The following RBPJ variants were observed in gnomAD, a reference collection of about 807,000 sequenced individuals.
The protein encoded by RBPJ is recombining binding protein suppressor of hairless.
A neutral mutation model predicts 67.8 loss-of-function variants in RBPJ; 9 were observed. The observed-to-expected ratio is 0.13, with a 90% CI of 0.08 to 0.23. RBPJ has a LOEUF of 0.23. Ranked by LOEUF, RBPJ falls within the 10% of genes least tolerant of loss-of-function variation. RBPJ has a pLI of 1.00. For synonymous variants in RBPJ, 198 were observed against 203.3 expected (o/e 0.97, Z 0.22); for missense variants, 305 against 595.6 (o/e 0.51, Z 5.08).
the RBPJ span, among the ~76,000 whole-genome samples, chr4:26,155,450 T>C: frequency 6.6e-6 from 1 of 151,062 alleles, no homozygotes; most frequent in Non-Finnish European, 1.5e-5. Context: ...TTTTTTTTTT[T>C]TTCAGACAGA....
chr4:26,108,218 A>G, the RBPJ span, among the ~76,000 whole-genome samples: 2 of 152,154 alleles, frequency 1.3e-5, no homozygotes, highest in African/African-American at 4.8e-5. Flanking sequence ...TAGAGGAAGA[A>G]TGGGGAATGG....
intron 1 of RBPJ, among the ~76,000 whole-genome samples, chr4:26,221,239 C>G (rs1415535414): frequency 6.6e-6 from 1 of 152,058 alleles, no homozygotes; most frequent in Admixed American, 6.6e-5. Flanking sequence ...TACAGGCGCC[C>G]GCCACCACGC....
At chr4:26,298,686 C>T (rs1380637600) in intron 1 of RBPJ, among the ~76,000 whole-genome samples, 2 of 152,186 alleles carry the variant, frequency 1.3e-5, no homozygotes, top group Non-Finnish European at 2.9e-5. Context: ...GTGTGCTTGA[C>T]AAGCCTGTTC....
chr4:26,152,076 A>G, the RBPJ span, among the ~76,000 whole-genome samples: 1 of 152,212 alleles, frequency 6.6e-6, no homozygotes. Context: ...GTTGTGCCAG[A>G]AAGTTTACAG....
chr4:26,177,961 A>T (rs1716855221), intron 1 of RBPJ, among the ~76,000 whole-genome samples: 1 of 152,222 alleles, frequency 6.6e-6, no homozygotes. Context: ...CACTTCCCTC[A>T]CATCATTAAA....
rs201746012 is a variant in RBPJ at position 26,386,348 on chromosome 4, TC to T, written c.21-3del. 2.5e-6 allele frequency: 4 copies of T among 1,579,060 alleles called. No individual in the cohort carries two copies. The highest frequency in any genetic ancestry group is 3.5e-5 in the Admixed American group (2 of 57,350). ...ACTTTATTTTCTTTATTTTTTTTTT[TC>T]CAGGAAATTTGGTGAGCGGCCTCCA... On this transcript the variant is annotated splice_region_variant and splice_polypyrimidine_tract_variant and intron_variant, in intron 1 of 10. Transcript: ENST00000355476.
At chr4:26,275,565 G>T (rs899330673) in intron 1 of RBPJ, among the ~76,000 whole-genome samples, 5 of 152,200 alleles carry the variant, frequency 3.3e-5, no homozygotes, top group Non-Finnish European at 7.3e-5. Context: ...AACCATCCAG[G>T]AAAGAGGTAT....
chr4:26,346,291 T>TG (rs2109420869), intron 1 of RBPJ, among the ~76,000 whole-genome samples: 1 of 152,284 alleles, frequency 6.6e-6, no homozygotes, highest in Admixed American at 6.5e-5. Flanking sequence ...GACTGGCGAC[T>TG]GCGGATGTAC....
At chr4:26,326,530 A>G (rs1723645844) in intron 1 of RBPJ, among the ~76,000 whole-genome samples, 1 of 152,198 alleles carries the variant, frequency 6.6e-6, no homozygotes. Flanking sequence ...AATCCATGCC[A>G]TAGAACCAAA....
intron 1 of RBPJ, among the ~76,000 whole-genome samples, chr4:26,235,581 A>C (rs1719428929): frequency 6.6e-6 from 1 of 152,238 alleles, no homozygotes; most frequent in South Asian, 2.1e-4. Context: ...GACTGGCCTT[A>C]GGCAAATCAG....
chr4:26,145,078 T>C, the RBPJ span, among the ~76,000 whole-genome samples: 1 of 152,134 alleles, frequency 6.6e-6, no homozygotes, highest in African/African-American at 2.4e-5. Context: ...GTTTACATTT[T>C]TCTGAGTTTC....
intron 1 of RBPJ, among the ~76,000 whole-genome samples, chr4:26,269,123 G>A (rs1720796497): frequency 6.6e-6 from 1 of 152,074 alleles, no homozygotes; most frequent in Admixed American, 6.5e-5. Context: ...GCTGTTGAAA[G>A]CACTTTCTCC....
the RBPJ span, among the ~76,000 whole-genome samples, chr4:26,115,200 CAT>C: frequency 8.5e-5 from 13 of 152,284 alleles, no homozygotes; most frequent in African/African-American, 2.6e-4. Context: ...CATATGAAAA[CAT>C]ATTTGATAGT....
intron 1 of RBPJ, among the ~76,000 whole-genome samples, chr4:26,283,025 G>A (rs1434436145): frequency 7.0e-6 from 1 of 143,246 alleles, no homozygotes; most frequent in Non-Finnish European, 1.5e-5. Flanking sequence ...CCTCCTCCCG[G>A]GTTCACACCA....
At chr4:26,110,811 G>T in the RBPJ span, among the ~76,000 whole-genome samples, 1 of 152,166 alleles carries the variant, frequency 6.6e-6, no homozygotes, top group African/African-American at 2.4e-5. The surrounding 1 kb of genome is among the most constrained non-coding windows in gnomAD (Gnocchi z 4.5). Flanking sequence ...GGTGTCTCCA[G>T]GTGCCGCTCA....
intron 3 of RBPJ, among the ~76,000 whole-genome samples, chr4:26,411,825 G>A (rs1221239485): frequency 6.6e-6 from 1 of 151,852 alleles, no homozygotes; most frequent in Non-Finnish European, 1.5e-5. Context: ...TACCATTTAT[G>A]GGCCAGGCGC....
At chr4:26,113,656 C>T in the RBPJ span, 1 of 286,652 alleles carries the variant, frequency 3.5e-6, no homozygotes. Flanking sequence ...GAGAGAAATC[C>T]TTTGCATGTC....
intron 1 of RBPJ, among the ~76,000 whole-genome samples, chr4:26,363,686 G>A (rs983027349): frequency 6.6e-6 from 1 of 152,176 alleles, no homozygotes; most frequent in Non-Finnish European, 1.5e-5. Context: ...TGATCTGCCT[G>A]CCTCAGCATC....
intron 8 of RBPJ, among the ~76,000 whole-genome samples, chr4:26,429,507 C>T (rs1055414018): frequency 4.6e-5 from 7 of 152,168 alleles, no homozygotes; most frequent in African/African-American, 1.7e-4. Flanking sequence ...AAGCTTCTAG[C>T]TGTTGCCTAA....
Sources: allele counts gnomAD v4.1 joint callset (sites outside exome capture counted in the v4.1 genomes callset), GRCh38; gene constraint gnomAD v4.1.1; non-coding constraint Gnocchi (gnomAD v3.1); transcripts MANE v1.5; gene names NCBI Gene and HGNC (gene_info 2026-07-23, HGNC 2026-07-21).